Variants in MAP3K20 observed in about 807,000 individuals in gnomAD.
MAP3K20 encodes HCCS-4.
MAP3K20 carries 40 observed loss-of-function variants against 85.7 expected under a neutral mutation model. The ratio of observed to expected loss-of-function variants is 0.47; its 90% CI spans 0.36 to 0.61. The LOEUF is 0.61. Ranked by LOEUF, MAP3K20 falls within the 20% of genes least tolerant of loss-of-function variation. The pLI is 0.00. For synonymous variants in MAP3K20, 325 were observed against 327.7 expected (o/e 0.99, Z 0.09); for missense variants, 817 against 961.7 (o/e 0.85, Z 1.99).
intron 7 of MAP3K20, among the ~76,000 whole-genome samples, chr2:173,193,549 C>A (rs1690728351): frequency 6.6e-6 from 1 of 152,096 alleles, no homozygotes; most frequent in African/African-American, 2.4e-5. Flanking sequence ...ATCTTAGTAC[C>A]AGTAGCCAAG....
intron 11 of MAP3K20, among the ~76,000 whole-genome samples, chr2:173,219,402 A>G (rs576547015): frequency 4.1e-4 from 62 of 152,182 alleles, no homozygotes; most frequent in Admixed American, 1.5e-3. Flanking sequence ...TTTTCTAATT[A>G]TAGTTGAAGC....
intron 3 of MAP3K20, among the ~76,000 whole-genome samples, chr2:173,173,145 C>A (rs2106254199): frequency 7.3e-6 from 1 of 137,250 alleles, no homozygotes; most frequent in East Asian, 2.2e-4. Context: ...TACTCCCATT[C>A]TTTTATTTCT....
chr2:173,120,934 C>T (rs1241465170), intron 2 of MAP3K20, among the ~76,000 whole-genome samples: 1 of 151,770 alleles, frequency 6.6e-6, no homozygotes, highest in East Asian at 2.0e-4. Context: ...GTCTCGATCT[C>T]CTGACCTCGT....
At chr2:173,171,672 A>G (rs1690004344) in intron 3 of MAP3K20, among the ~76,000 whole-genome samples, 1 of 152,164 alleles carries the variant, frequency 6.6e-6, no homozygotes, top group Admixed American at 6.5e-5. Context: ...TCAATCCTTT[A>G]TTTCATTCAT....
At chr2:173,174,319 A>G (rs1370112528) in intron 3 of MAP3K20, among the ~76,000 whole-genome samples, 1 of 152,122 alleles carries the variant, frequency 6.6e-6, no homozygotes, top group Non-Finnish European at 1.5e-5. Context: ...TGTCATCTAC[A>G]TTAGGTATTT....
chr2:173,200,510 G>A (rs1691016009), intron 8 of MAP3K20, among the ~76,000 whole-genome samples: 1 of 152,172 alleles, frequency 6.6e-6, no homozygotes, highest in Non-Finnish European at 1.5e-5. Flanking sequence ...CAAGTGTTCA[G>A]GAAGACATTT....
chr2:173,101,659 T>C (rs1448457961), intron 2 of MAP3K20, among the ~76,000 whole-genome samples: 4 of 152,110 alleles, frequency 2.6e-5, no homozygotes, highest in Non-Finnish European at 4.4e-5. Context: ...AATTGAGAAA[T>C]TGAAAAATTG....
intron 7 of MAP3K20, among the ~76,000 whole-genome samples, chr2:173,196,188 A>T (rs1404637449): frequency 6.6e-6 from 1 of 152,054 alleles, no homozygotes; most frequent in Non-Finnish European, 1.5e-5. Context: ...CCCTGTTCCC[A>T]TTCTCCTTAG....
At chr2:173,132,738 A>C (rs569237352) in intron 2 of MAP3K20, among the ~76,000 whole-genome samples, 1 of 152,210 alleles carries the variant, frequency 6.6e-6, no homozygotes, top group South Asian at 2.1e-4. Flanking sequence ...AATCCATCTC[A>C]GCTGTACCAC....
At chr2:173,237,052 AGT>A (rs945228201) in intron 14 of MAP3K20, among the ~76,000 whole-genome samples, 26 of 97,610 alleles carry the variant, frequency 2.7e-4, no homozygotes, top group African/African-American at 1.1e-3. Context: ...TTTGAGCTGG[AGT>A]CTCACTGTGC....
chr2:173,218,946 G>A (rs1182669503), intron 11 of MAP3K20, among the ~76,000 whole-genome samples: 1 of 152,112 alleles, frequency 6.6e-6, no homozygotes, highest in Non-Finnish European at 1.5e-5. Context: ...TGCTCTGAGG[G>A]CTACCGTCTA....
At chr2:173,188,315 A>G (rs1377653464) in intron 5 of MAP3K20, among the ~76,000 whole-genome samples, 1 of 152,208 alleles carries the variant, frequency 6.6e-6, no homozygotes. Flanking sequence ...CTTCAGAGTT[A>G]TCTGAGAAAG....
intron 2 of MAP3K20, among the ~76,000 whole-genome samples, chr2:173,164,219 A>G (rs73023632): frequency 0.14 from 20,999 of 151,968 alleles, 1,964 homozygotes; most frequent in African/African-American, 0.26. Flanking sequence ...CGGCCTCCCA[A>G]AGTGCTGGGA....
chr2:173,184,644 C>T (rs555409755), intron 4 of MAP3K20, among the ~76,000 whole-genome samples: 4 of 152,240 alleles, frequency 2.6e-5, no homozygotes, highest in Non-Finnish European at 4.4e-5. Flanking sequence ...TGCAGTGGCT[C>T]ATGCCTATAA....
chr2:173,161,920 C>T (rs996546708), intron 2 of MAP3K20, among the ~76,000 whole-genome samples: 2 of 152,170 alleles, frequency 1.3e-5, no homozygotes, highest in Non-Finnish European at 2.9e-5. Context: ...AAGAGCTTCA[C>T]TTTTTCCTGA....
intron 2 of MAP3K20, among the ~76,000 whole-genome samples, chr2:173,162,998 C>T (rs1445167227): frequency 6.6e-6 from 1 of 152,192 alleles, no homozygotes; most frequent in Non-Finnish European, 1.5e-5. Flanking sequence ...TCATTCTATA[C>T]CCATCAACAG....
Position 173,191,094 on chromosome 2 carries a change from G to T in MAP3K20, c.499G>T (p.Val167Phe). The T allele has an allele frequency of 1.2e-6, 2 of 1,613,976 alleles. No homozygotes were observed. The highest frequency in any genetic ancestry group is 1.7e-6 in the Non-Finnish European group (2 of 1,179,926). The change falls in exon 7 of 20, where the codon GTT (valine) becomes TTT (phenylalanine). Residue 167 changes from valine (V) to phenylalanine (F), a missense_variant. Physicochemically the swap from Val to Phe is conservative, Grantham distance 50. Transcript: ENST00000375213. ...TAACCATACAACACACATGTCCTTG[G>T]TTGGAACTTTCCCATGGATGGCTCC... ...FHNHTTHMSL[V>F]GTFPWMAPEV... is the part of the protein sequence containing the mutation.
chr2:173,256,005 A>C (rs1685148348), intron 16 of MAP3K20, among the ~76,000 whole-genome samples: 1 of 152,256 alleles, frequency 6.6e-6, no homozygotes, highest in Non-Finnish European at 1.5e-5. Context: ...GACTTATGTT[A>C]GCCAAGAACC....
At chr2:173,243,711 G>A (rs1167850623) in intron 16 of MAP3K20, among the ~76,000 whole-genome samples, 4 of 152,134 alleles carry the variant, frequency 2.6e-5, no homozygotes, top group Admixed American at 6.5e-5. Context: ...TCCGCCTCCC[G>A]GGTTCACGCC....
Sources: gnomAD v4.1 joint callset for allele counts (sites outside exome capture counted in the v4.1 genomes callset) on GRCh38, gnomAD v4.1.1 for gene constraint, MANE v1.5 for transcripts, NCBI Gene and HGNC (gene_info 2026-07-23, HGNC 2026-07-21) for gene names.